Variants in FHIT observed in about 807,000 individuals in gnomAD.
The protein encoded by FHIT is fragile histidine triad diadenosine triphosphatase.
FHIT carries 19 observed loss-of-function variants against 17.9 expected under a neutral mutation model. The ratio of observed to expected loss-of-function variants is 1.06; its 90% CI spans 0.74 to 1.56. The LOEUF (loss-of-function observed/expected upper bound fraction) is 1.56. FHIT is among the 40% of genes most tolerant of loss of function. The pLI, the probability that FHIT is intolerant of heterozygous loss-of-function variation, is 0.00. For synonymous variants in FHIT, 81 were observed against 69.7 expected (o/e 1.16, Z -0.81); for missense variants, 248 against 189.2 (o/e 1.31, Z -1.82).
intron 9 of FHIT, chr3:59,751,596 A>AGAGTG (rs1553659402): frequency 4.5e-6 from 1 of 220,658 alleles, no homozygotes; most frequent in Non-Finnish European, 9.1e-6. Flanking sequence ...TCTTTCTACC[A>AGAGTG]GAGTCTTAAA....
chr3:61,081,141 T>C (rs907616064), intron 2 of FHIT, among the ~76,000 whole-genome samples: 4 of 152,166 alleles, frequency 2.6e-5, no homozygotes, highest in Admixed American at 2.6e-4. Flanking sequence ...TGTAGCTAAT[T>C]TGCAGTAGCC....
chr3:59,890,836 T>C (rs1005005930), intron 8 of FHIT, among the ~76,000 whole-genome samples: 24 of 152,360 alleles, frequency 1.6e-4, no homozygotes, highest in African/African-American at 5.1e-4. Flanking sequence ...TTAATTTTGC[T>C]TAGCTGAGCA....
intron 5 of FHIT, among the ~76,000 whole-genome samples, chr3:60,530,003 C>T (rs2035715915): frequency 6.6e-6 from 1 of 151,978 alleles, no homozygotes; most frequent in Non-Finnish European, 1.5e-5. Flanking sequence ...AGAAATGTAC[C>T]TGCTAAAAGT....
chr3:60,120,437 G>A (rs1310446857), intron 5 of FHIT, among the ~76,000 whole-genome samples: 1 of 152,184 alleles, frequency 6.6e-6, no homozygotes, highest in African/African-American at 2.4e-5. Context: ...TTTTTATTAG[G>A]TTTCACCATG....
intron 2 of FHIT, among the ~76,000 whole-genome samples, chr3:61,104,534 G>A (rs1451128837): frequency 1.3e-5 from 2 of 152,188 alleles, no homozygotes; most frequent in East Asian, 1.9e-4. Flanking sequence ...AGAATCTGAC[G>A]ATTATGTGTT....
intron 5 of FHIT, among the ~76,000 whole-genome samples, chr3:60,347,412 G>C (rs1369007919): frequency 6.6e-6 from 1 of 152,054 alleles, no homozygotes; most frequent in African/African-American, 2.4e-5. Context: ...TTTCAAGTAA[G>C]TTAAGAGACA....
chr3:59,951,027 T>C (rs2107306735), intron 7 of FHIT, among the ~76,000 whole-genome samples: 1 of 152,312 alleles, frequency 6.6e-6, no homozygotes, highest in African/African-American at 2.4e-5. Flanking sequence ...CATGCCAGGC[T>C]TTGTATTAAG....
intron 3 of FHIT, among the ~76,000 whole-genome samples, chr3:61,001,553 C>A (rs2031083993): frequency 6.6e-6 from 1 of 152,142 alleles, no homozygotes; most frequent in African/African-American, 2.4e-5. Flanking sequence ...AAGCCAATCT[C>A]AAGAAGATAC....
intron 3 of FHIT, among the ~76,000 whole-genome samples, chr3:61,008,887 A>C (rs2031616801): frequency 6.6e-6 from 1 of 152,150 alleles, no homozygotes; most frequent in Non-Finnish European, 1.5e-5. Flanking sequence ...TAATGGAACT[A>C]ATTTGGGCTT....
chr3:59,876,637 G>T (rs1244195152), intron 8 of FHIT, among the ~76,000 whole-genome samples: 1 of 152,174 alleles, frequency 6.6e-6, no homozygotes, highest in Admixed American at 6.5e-5. Flanking sequence ...ACAGGTGAAG[G>T]TCAAAATGAC....
At chr3:59,950,851 G>T (rs1707081788) in intron 7 of FHIT, among the ~76,000 whole-genome samples, 1 of 152,140 alleles carries the variant, frequency 6.6e-6, no homozygotes, top group Admixed American at 6.5e-5. Flanking sequence ...GAGCTCCCAG[G>T]ATTCTACAGC....
intron 5 of FHIT, among the ~76,000 whole-genome samples, chr3:60,102,925 A>G (rs957683803): frequency 6.6e-6 from 1 of 152,228 alleles, no homozygotes; most frequent in South Asian, 2.1e-4. Flanking sequence ...CATGCCATGC[A>G]TTTGCGAAGG....
intron 2 of FHIT, among the ~76,000 whole-genome samples, chr3:61,092,914 G>A (rs2035529632): frequency 1.3e-5 from 2 of 152,276 alleles, no homozygotes; most frequent in South Asian, 2.1e-4. Context: ...CTTACTAGCT[G>A]AACAAATCCC....
At chr3:60,387,010 A>G (rs940159463) in intron 5 of FHIT, among the ~76,000 whole-genome samples, 31 of 117,152 alleles carry the variant, frequency 2.6e-4, no homozygotes, top group Non-Finnish European at 5.3e-4. Flanking sequence ...TGCCTAAGGA[A>G]ATTCTATTTA....
At chr3:60,331,058 G>A (rs1469235878) in intron 5 of FHIT, among the ~76,000 whole-genome samples, 1 of 152,110 alleles carries the variant, frequency 6.6e-6, no homozygotes, top group East Asian at 1.9e-4. Context: ...GCATATCTTA[G>A]CGTGGAGTTG....
intron 5 of FHIT, among the ~76,000 whole-genome samples, chr3:60,494,813 T>G (rs2362897): frequency 0.16 from 24,863 of 152,160 alleles, 2,227 homozygotes; most frequent in East Asian, 0.34. Flanking sequence ...GATCTCATTC[T>G]TTTTTGTGGA....
chr3:60,712,527 A>G (rs2041564869), intron 4 of FHIT, among the ~76,000 whole-genome samples: 3 of 151,858 alleles, frequency 2.0e-5, no homozygotes. Context: ...GTATTCAGGA[A>G]ACCCATCTCA....
intron 8 of FHIT, among the ~76,000 whole-genome samples, chr3:59,862,275 A>T (rs1186190475): frequency 6.6e-6 from 1 of 152,172 alleles, no homozygotes; most frequent in Non-Finnish European, 1.5e-5. Flanking sequence ...CCTTTATAAA[A>T]CCATCAGATC....
rs138289092 is a variant in FHIT, at chr3:60,380,632, T to C, written c.103+156228A>G. 8.5e-5 allele frequency among the ~76,000 whole-genome samples: 13 copies of C among 152,304 alleles called. No individual in the cohort carries two copies. The East Asian group carries it at 1.7e-3, about 20-fold the overall frequency. ...TAAAATGAGTACTGCTGTGAATATC[T>C]ACATGTCTCCGTACACGTCCAAGTT... On this transcript the variant is annotated intron_variant, in intron 5 of 9. Coordinates refer to ENST00000492590, the MANE Select transcript of FHIT (RefSeq NM_002012.4).
Sources: allele counts gnomAD v4.1 joint callset (sites outside exome capture counted in the v4.1 genomes callset), GRCh38; gene constraint gnomAD v4.1.1; transcripts MANE v1.5; gene names NCBI Gene and HGNC (gene_info 2026-07-23, HGNC 2026-07-21).